The following FRMD5 variants were observed in gnomAD, a reference collection of about 807,000 sequenced individuals.
The protein encoded by FRMD5 is FERM domain containing 5, also known as FERM domain-containing protein 5.
FRMD5 carries 20 observed loss-of-function variants against 69.0 expected under a neutral mutation model. The ratio of observed to expected loss-of-function variants is 0.29; its 90% CI spans 0.20 to 0.42. FRMD5 has a LOEUF of 0.42. FRMD5 is among the 10% of genes least tolerant of loss of function. The pLI is 1.00. For synonymous variants in FRMD5, 271 were observed against 260.1 expected (o/e 1.04, Z -0.40); for missense variants, 595 against 708.6 (o/e 0.84, Z 1.82).
intron 1 of FRMD5, among the ~76,000 whole-genome samples, chr15:44,173,517 AT>A (rs1009951175): frequency 6.6e-6 from 1 of 151,530 alleles, no homozygotes; most frequent in African/African-American, 2.4e-5. Context: ...GAAGAAAAAA[AT>A]ATACATATTT....
In FRMD5 at chr15:43,873,223, C is replaced by T. The variant is rs971286107; in HGVS notation, c.*662G>A. On this transcript the variant is annotated 3_prime_UTR_variant, in exon 14 of 14. Coordinates refer to ENST00000417257, the MANE Select transcript of FRMD5 (RefSeq NM_032892.5). Reference sequence around the variant, plus strand: ...GCGGTGGTCCCTTCAGATGCCCACTCTGCTCAGATTTGAAAAAACAAAAGG... The same window carrying T: ...GCGGTGGTCCCTTCAGATGCCCACTTTGCTCAGATTTGAAAAAACAAAAGG... The T allele has an allele frequency of 1.9e-6, 3 of 1,550,274 alleles. No homozygotes were observed. In the African/African-American group the frequency reaches 4.1e-5, roughly 21 times the overall value.
intron 1 of FRMD5, among the ~76,000 whole-genome samples, chr15:44,191,281 T>TGAAA (rs2078187863): frequency 6.6e-6 from 1 of 152,190 alleles, no homozygotes; most frequent in African/African-American, 2.4e-5. Context: ...TATTATAAGC[T>TGAAA]GAAAGATAGT....
At chr15:44,174,220 C>T (rs2077853638) in intron 1 of FRMD5, among the ~76,000 whole-genome samples, 1 of 152,088 alleles carries the variant, frequency 6.6e-6, no homozygotes, top group African/African-American at 2.4e-5. Context: ...CTTTCACACT[C>T]TGGTAATTTC....
intron 4 of FRMD5, among the ~76,000 whole-genome samples, chr15:43,911,128 C>A (rs1164719304): frequency 6.6e-6 from 1 of 152,208 alleles, no homozygotes; most frequent in Non-Finnish European, 1.5e-5. Context: ...GAGCATCAGT[C>A]CCTTGAGTGG....
intron 1 of FRMD5, among the ~76,000 whole-genome samples, chr15:44,193,512 T>C (rs1216395183): frequency 6.6e-6 from 1 of 152,156 alleles, no homozygotes; most frequent in Non-Finnish European, 1.5e-5. Context: ...AGCAAGGAAA[T>C]AATACAGAGC....
chr15:43,914,110 A>C (rs2089339824), intron 4 of FRMD5, among the ~76,000 whole-genome samples: 1 of 152,220 alleles, frequency 6.6e-6, no homozygotes, highest in Non-Finnish European at 1.5e-5. Flanking sequence ...ATGCCAGGGA[A>C]AACCTGAGCT....
intron 1 of FRMD5, among the ~76,000 whole-genome samples, chr15:44,152,965 G>C (rs551806672): frequency 6.6e-6 from 1 of 151,992 alleles, no homozygotes; most frequent in South Asian, 2.1e-4. Flanking sequence ...ATGAAAAGAT[G>C]ATCAACATCA....
At chr15:44,122,200 A>C (rs1181002833) in intron 1 of FRMD5, among the ~76,000 whole-genome samples, 1 of 152,184 alleles carries the variant, frequency 6.6e-6, no homozygotes, top group Non-Finnish European at 1.5e-5. Context: ...GGAAAGAGAC[A>C]AACTGTTAAT....
chr15:44,091,105 T>C (rs1296128094), intron 1 of FRMD5, among the ~76,000 whole-genome samples: 1 of 152,198 alleles, frequency 6.6e-6, no homozygotes, highest in East Asian at 1.9e-4. Flanking sequence ...CTATTAATAA[T>C]GGTATTCTAT....
chr15:44,057,985 C>G (rs538154611), intron 1 of FRMD5, among the ~76,000 whole-genome samples: 1 of 152,278 alleles, frequency 6.6e-6, no homozygotes, highest in East Asian at 1.9e-4. Flanking sequence ...TAGTTTGGAT[C>G]AGCTTTATGA....
intron 1 of FRMD5, among the ~76,000 whole-genome samples, chr15:44,027,966 T>G (rs1044542246): frequency 6.6e-6 from 1 of 152,176 alleles, no homozygotes; most frequent in Non-Finnish European, 1.5e-5. Flanking sequence ...TCAAAACTTC[T>G]GCCCAGATGT....
intron 4 of FRMD5, among the ~76,000 whole-genome samples, chr15:43,917,502 T>C (rs2140435246): frequency 6.6e-6 from 1 of 152,298 alleles, no homozygotes; most frequent in African/African-American, 2.4e-5. Context: ...GTGATTCTCC[T>C]GCCTCAGCCT....
intron 1 of FRMD5, among the ~76,000 whole-genome samples, chr15:44,071,298 C>T (rs185565206): frequency 4.5e-4 from 68 of 152,250 alleles, no homozygotes; most frequent in African/African-American, 1.6e-3. Context: ...CTAAAGTTCT[C>T]ACACCTGTAA....
intron 1 of FRMD5, among the ~76,000 whole-genome samples, chr15:43,998,597 T>C (rs148401705): frequency 3.3e-5 from 5 of 152,294 alleles, no homozygotes; most frequent in African/African-American, 1.2e-4. Flanking sequence ...TTTAAGTACA[T>C]ACAAATCCCT....
chr15:44,039,579 G>C (rs1318242812), intron 1 of FRMD5, among the ~76,000 whole-genome samples: 1 of 152,176 alleles, frequency 6.6e-6, no homozygotes, highest in Admixed American at 6.5e-5. Flanking sequence ...TGCAGAAGAG[G>C]GGCCTGGCTG....
chr15:43,888,910 G>A, intron 8 of FRMD5, 38 bp from the exon 9 acceptor site: 1 of 1,570,888 alleles, frequency 6.4e-7, no homozygotes, highest in Non-Finnish European at 8.8e-7. Flanking sequence ...CCTCATTGTG[G>A]GCTGCTTGTT....
At chr15:43,897,794 A>G (rs2088949884) in intron 7 of FRMD5, among the ~76,000 whole-genome samples, 1 of 152,084 alleles carries the variant, frequency 6.6e-6, no homozygotes, top group Non-Finnish European at 1.5e-5. Flanking sequence ...TTTAACCCCC[A>G]TGTGACAGGG....
intron 1 of FRMD5, among the ~76,000 whole-genome samples, chr15:43,942,871 T>A (rs1283661092): frequency 1.3e-5 from 2 of 152,230 alleles, no homozygotes; most frequent in African/African-American, 4.8e-5. Context: ...GAGAGCCTCC[T>A]ATCTCAGCCC....
rs62023706 is a variant in FRMD5 at position 44,008,248 on chromosome 15, T to G, written c.103-83939A>C. ...AAGGCTTTATTTCTAGAAGCCTTTA[T>G]TTCATGTAGAAGGCTTTATTTTATT... On this transcript the variant is annotated intron_variant, in intron 1 of 13. Coordinates refer to ENST00000417257, the MANE Select transcript of FRMD5 (RefSeq NM_032892.5). 1.9e-3 allele frequency among the ~76,000 whole-genome samples: 289 copies of G among 151,290 alleles called. 1 individual carries two copies. The highest frequency in any genetic ancestry group is 3.4e-3 in the Non-Finnish European group (233 of 67,794).
Sources: allele counts gnomAD v4.1 joint callset (sites outside exome capture counted in the v4.1 genomes callset), GRCh38; gene constraint gnomAD v4.1.1; transcripts MANE v1.5; gene names NCBI Gene and HGNC (gene_info 2026-07-23, HGNC 2026-07-21).